LDHC: variants seen among roughly 807,000 people sequenced by gnomAD.
LDHC encodes the protein L-lactate dehydrogenase C chain.
LDHC carries 20 observed loss-of-function variants against 30.2 expected under a neutral mutation model. The ratio of observed to expected loss-of-function variants is 0.66; its 90% CI spans 0.47 to 0.96. LDHC has a LOEUF of 0.96. LDHC is among the 40% of genes least tolerant of loss of function. LDHC has a pLI of 0.00. For synonymous variants in LDHC, 139 were observed against 132.7 expected, an observed-to-expected ratio of 1.05 and a Z score of -0.32; for missense variants, 362 against 394.9, an observed-to-expected ratio of 0.92 and a Z score of 0.71.
chr11:18,423,856 C>T (rs1590225803), intron 3 of LDHC, among the ~76,000 whole-genome samples: 1 of 152,018 alleles, frequency 6.6e-6, no homozygotes, highest in East Asian at 1.9e-4. Flanking sequence ...AAAAAAAATG[C>T]ACAGCTCAAT....
intron 2 of LDHC, among the ~76,000 whole-genome samples, chr11:18,413,914 A>G (rs1866954040): frequency 6.6e-6 from 1 of 152,234 alleles, no homozygotes; most frequent in South Asian, 2.1e-4. Context: ...AAGACGAAAT[A>G]TTGTTCATGT....
intron 3 of LDHC, among the ~76,000 whole-genome samples, chr11:18,415,580 C>T (rs539947073): frequency 1.4e-4 from 22 of 152,218 alleles, no homozygotes; most frequent in Admixed American, 5.2e-4. Context: ...TACAGGCATG[C>T]GCCACCACGC....
At chr11:18,439,563 CAAAAA>C (rs34511927) in intron 6 of LDHC, among the ~76,000 whole-genome samples, 2 of 59,352 alleles carry the variant, frequency 3.4e-5, no homozygotes, top group African/African-American at 1.3e-4. Context: ...AACTCCATCT[CAAAAA>C]AAAAAAAAAA....
intron 3 of LDHC, among the ~76,000 whole-genome samples, chr11:18,422,800 C>T (rs1024271928): frequency 3.3e-5 from 5 of 151,230 alleles, no homozygotes; most frequent in East Asian, 2.0e-4. Context: ...CTGGGAAACA[C>T]GGTGAAACCA....
At chr11:18,442,564 TG>T (rs1848484550) in intron 6 of LDHC, among the ~76,000 whole-genome samples, 1 of 152,148 alleles carries the variant, frequency 6.6e-6, no homozygotes, top group South Asian at 2.1e-4. Flanking sequence ...CCAACTAGAC[TG>T]TTTTTTTCCC....
At chr11:18,430,841 A>G (rs1272846585) in intron 4 of LDHC, among the ~76,000 whole-genome samples, 1 of 152,110 alleles carries the variant, frequency 6.6e-6, no homozygotes, top group Admixed American at 6.6e-5. Flanking sequence ...CGTGGGTTAT[A>G]TGGTAGGTAT....
intron 5 of LDHC, among the ~76,000 whole-genome samples, chr11:18,437,968 A>G (rs1459562013): frequency 6.6e-6 from 1 of 151,978 alleles, no homozygotes; most frequent in Admixed American, 6.6e-5. Flanking sequence ...GGGAGGCTGA[A>G]ACAGAAGAAT....
intron 3 of LDHC, among the ~76,000 whole-genome samples, chr11:18,423,633 A>G (rs1402666775): frequency 3.3e-5 from 5 of 152,190 alleles, no homozygotes; most frequent in African/African-American, 1.2e-4. Flanking sequence ...AAGATAACGT[A>G]GAATATCCTT....
At chr11:18,431,667 C>T (rs1003736996) in intron 4 of LDHC, among the ~76,000 whole-genome samples, 1 of 152,026 alleles carries the variant, frequency 6.6e-6, no homozygotes, top group Admixed American at 6.6e-5. Context: ...TGTTCAGCCT[C>T]CCATGTTGCT....
chr11:18,423,229 T>C (rs1280648653), intron 3 of LDHC, among the ~76,000 whole-genome samples: 1 of 151,988 alleles, frequency 6.6e-6, no homozygotes, highest in African/African-American at 2.4e-5. Flanking sequence ...AAGAGTAAAA[T>C]AAATAAATGA....
At chr11:18,446,407 G>T in intron 7 of LDHC, 74 bp downstream of exon 7, 1 of 1,096,854 alleles carries the variant, frequency 9.1e-7, no homozygotes, top group Non-Finnish European at 1.4e-6. Flanking sequence ...ATGCCAGGCA[G>T]TGTACAAGAT....
At chr11:18,447,410 C>T (rs1158259871) in intron 7 of LDHC, among the ~76,000 whole-genome samples, 1 of 152,172 alleles carries the variant, frequency 6.6e-6, no homozygotes, top group Non-Finnish European at 1.5e-5. Flanking sequence ...GCTGGGATTA[C>T]AGGCGTGAGC....
At chr11:18,415,093 C>A in intron 2 of LDHC, 91 bp from the exon 3 acceptor site, 1 of 660,018 alleles carries the variant, frequency 1.5e-6, no homozygotes, top group Admixed American at 2.6e-5. Flanking sequence ...ATATGAGATT[C>A]CTTTAATTAT....
At chr11:18,445,269 A>C (rs1212516308) in intron 6 of LDHC, among the ~76,000 whole-genome samples, 2 of 151,952 alleles carry the variant, frequency 1.3e-5, no homozygotes, top group African/African-American at 4.8e-5. Context: ...GCTCACTGCA[A>C]CCTCTGCCCA....
At position 18,427,084 on chromosome 11, in the gene LDHC, G is replaced by A. The variant is rs551851853; in HGVS notation, c.245-2653G>A. 4.8e-3 allele frequency among the ~76,000 whole-genome samples: 730 copies of A among 152,206 alleles called. 5 individuals carry two copies. Among genetic ancestry groups the A allele is most frequent in the Middle Eastern group, 6.8e-3 (2 of 294 alleles). ...TTTAAAAGGCTATTAGCGGCTGGGCGTGGTAGCTGATGCCTATAATCCCAG... is the reference window on the plus strand; with the variant it reads ...TTTAAAAGGCTATTAGCGGCTGGGCATGGTAGCTGATGCCTATAATCCCAG... On this transcript the variant is annotated intron_variant, in intron 3 of 7. Coordinates refer to ENST00000541669, the MANE Select transcript of LDHC (RefSeq NM_017448.5).
At chr11:18,445,659 G>C (rs77136349) in intron 6 of LDHC, among the ~76,000 whole-genome samples, 4,530 of 152,158 alleles carry the variant, frequency 0.03, 233 homozygotes, top group African/African-American at 0.1. Context: ...TTTAAAAAAA[G>C]GGTAAATTAA....
intron 3 of LDHC, among the ~76,000 whole-genome samples, chr11:18,420,317 T>A (rs967424468): frequency 1.3e-5 from 2 of 152,104 alleles, no homozygotes; most frequent in African/African-American, 2.4e-5. Context: ...AGAAGCCAAA[T>A]AATCTCAAGA....
At chr11:18,448,266 A>G (rs558862852) in intron 7 of LDHC, among the ~76,000 whole-genome samples, 42 of 152,096 alleles carry the variant, frequency 2.8e-4, no homozygotes, top group African/African-American at 9.2e-4. Context: ...AAGTCAATGG[A>G]CATTATATTT....
intron 7 of LDHC, among the ~76,000 whole-genome samples, chr11:18,447,967 T>A (rs1287288925): frequency 1.3e-5 from 2 of 149,648 alleles, no homozygotes; most frequent in African/African-American, 4.9e-5. Flanking sequence ...GAGAATTGCT[T>A]GAACCCAGGA....
Sources: gnomAD v4.1 joint callset for allele counts (sites outside exome capture counted in the v4.1 genomes callset) on GRCh38, gnomAD v4.1.1 for gene constraint, MANE v1.5 for transcripts, NCBI Gene and HGNC (gene_info 2026-07-23, HGNC 2026-07-21) for gene names.